Variants in CABP5 observed in about 807,000 individuals in gnomAD.
The protein encoded by CABP5 is calcium binding protein 5, also known as calcium-binding protein 5.
In CABP5, 17 loss-of-function variants were observed where a neutral mutation model predicts 21.9. That is an observed-to-expected ratio of 0.78 (90% CI 0.53 to 1.17). The LOEUF is 1.17. CABP5 is among the 50% of genes most tolerant of loss of function. CABP5 has a pLI of 0.00. For missense variants in CABP5, 229 were observed against 228.9 expected, an observed-to-expected ratio of 1.00 and a Z score of 0.00; for synonymous variants, 85 against 79.4, an observed-to-expected ratio of 1.07 and a Z score of -0.37.
chr19:48,039,044 T>C (rs1967446435), intron 4 of CABP5, among the ~76,000 whole-genome samples, 164 bp downstream of exon 4: 2 of 152,076 alleles, frequency 1.3e-5, no homozygotes, highest in South Asian at 4.1e-4. Flanking sequence ...TTGCAGGTGT[T>C]TGGAATACGT....
At position 48,034,314 on chromosome 19, in the gene CABP5, C is replaced by T; in HGVS notation, c.397G>A (p.Ala133Thr). ...CGCTCCCCCAGGAGTCTCTGCATGG[C>T]CTGCTGTAGCTCCACCAGGGTGATC... ...GEITLVELQQ[A>T]MQRLLGERLT... Residue 133 changes from alanine to threonine, a missense_variant, in exon 5 of 6, where the codon GCC becomes ACC. Physicochemically the swap from Ala to Thr is moderately conservative, Grantham distance 58. Transcript: ENST00000293255. 1 of 1,607,798 alleles carries T rather than the reference C, an allele frequency of 6.2e-7. No individual in the cohort carries two copies. The highest frequency in any genetic ancestry group is 8.5e-7 in the Non-Finnish European group (1 of 1,177,582).
Position 48,029,831 on chromosome 19 carries a change from A to AGAGAGAGAGAGAGAGAGAGG in CABP5, c.*725_*726insCCTCTCTCTCTCTCTCTCTC, listed in dbSNP as rs1340907930. 15 of 151,558 alleles carry AGAGAGAGAGAGAGAGAGAGG rather than the reference A, an allele frequency of 9.9e-5. 1 individual carries two copies. Among genetic ancestry groups the AGAGAGAGAGAGAGAGAGAGG allele is most frequent in the South Asian group, 2.1e-4 (1 of 4,786 alleles). The allele number at this position is 151,558 out of a possible 1,614,324, so 9.4% of individuals were successfully genotyped here. On this transcript the variant is annotated 3_prime_UTR_variant, in exon 6 of 6. Coordinates refer to ENST00000293255, the MANE Select transcript of CABP5 (RefSeq NM_019855.5). ...GAGAGAGAGAGAGAGAGAGAGAGAG[A>AGAGAGAGAGAGAGAGAGAGG]GAGAGAAACCAGACAGTGCTTCCAG...
At chr19:48,042,492 C>CT (rs1269844683) in intron 1 of CABP5, among the ~76,000 whole-genome samples, 1 of 152,120 alleles carries the variant, frequency 6.6e-6, no homozygotes, top group African/African-American at 2.4e-5. Flanking sequence ...TCCCATCTCC[C>CT]TTTATCCCTG....
At chr19:48,042,922 C>T (rs966404150) in intron 1 of CABP5, among the ~76,000 whole-genome samples, 17 of 152,068 alleles carry the variant, frequency 1.1e-4, no homozygotes, top group African/African-American at 4.1e-4. Context: ...GAAAAGTATG[C>T]CCACATATCT....
chr19:48,037,259 C>CTTT (rs57230665), intron 4 of CABP5, among the ~76,000 whole-genome samples: 745 of 44,940 alleles, frequency 0.017, 157 homozygotes, highest in South Asian at 0.048. Context: ...TACTATTCAG[C>CTTT]TTTTTTTTTT....
chr19:48,043,926 G>A lies in CABP5; in HGVS notation c.-4C>T. ...CGGGGCCCATGGGGAACTGCATGGAGGGGTGGGGTGGAGCTCGCAGGGCAC... is the reference window on the plus strand; with the variant it reads ...CGGGGCCCATGGGGAACTGCATGGAAGGGTGGGGTGGAGCTCGCAGGGCAC... On this transcript the variant is annotated 5_prime_UTR_variant, in exon 1 of 6. Transcript: ENST00000293255. The A allele has an allele frequency of 6.6e-7, 1 of 1,508,228 alleles. No homozygotes were observed. The highest frequency in any genetic ancestry group is 8.8e-7 in the Non-Finnish European group (1 of 1,134,768). 93.4% of individuals were successfully genotyped at this position (1,508,228 alleles called of 1,614,324 possible). A position where few individuals can be genotyped will look rare whatever the true frequency, so the allele number is the denominator to read the frequency against.
intron 1 of CABP5, among the ~76,000 whole-genome samples, chr19:48,043,399 CACTG>C: frequency 1.3e-5 from 2 of 150,224 alleles, no homozygotes; most frequent in Non-Finnish European, 3.0e-5. Flanking sequence ...GAATGAAAGT[CACTG>C]ACCTCATGAG....
intron 4 of CABP5, among the ~76,000 whole-genome samples, chr19:48,037,175 A>C (rs1967418741): frequency 6.6e-6 from 1 of 150,824 alleles, no homozygotes; most frequent in Non-Finnish European, 1.5e-5. Flanking sequence ...ACAATAGCCA[A>C]GGTATGGAAG....
At chr19:48,037,722 C>T (rs1362165513) in intron 4 of CABP5, among the ~76,000 whole-genome samples, 1 of 152,102 alleles carries the variant, frequency 6.6e-6, no homozygotes, top group African/African-American at 2.4e-5. Flanking sequence ...ATGTAAGTAG[C>T]ATTCTTTTTA....
intron 5 of CABP5, among the ~76,000 whole-genome samples, chr19:48,030,972 A>G (rs1222287322): frequency 6.6e-6 from 1 of 152,078 alleles, no homozygotes; most frequent in Non-Finnish European, 1.5e-5. Flanking sequence ...CTACAAAAAA[A>G]TTAAAAAATT....
intron 5 of CABP5, 64 bp downstream of exon 5, chr19:48,034,151 G>C: frequency 7.0e-7 from 1 of 1,428,766 alleles, no homozygotes; most frequent in Non-Finnish European, 9.3e-7. Context: ...AAATCTGACA[G>C]TGAGTTGGAA....
At chr19:48,041,048 A>C (rs1165265462) in intron 2 of CABP5, among the ~76,000 whole-genome samples, 2 of 151,958 alleles carry the variant, frequency 1.3e-5, no homozygotes, top group African/African-American at 4.8e-5. Context: ...ATGGTGGCTC[A>C]TGCCTTTGAT....
In CABP5 at chr19:48,043,869, C is replaced by A; in HGVS notation, c.54G>T (p.Glu18Asp). ...ACIFLRKGIA[E>D]KQRERPLGQD... ...TCACTCCCCACCTCACCCGCTGTTTCTCAGCAATGCCTTTCCTCAAGAAGA... is the reference window on the plus strand; with the variant it reads ...TCACTCCCCACCTCACCCGCTGTTTATCAGCAATGCCTTTCCTCAAGAAGA... The change falls in exon 1 of 6, where the codon GAG becomes GAT. Residue 18 changes from glutamate (E) to aspartate (D), a missense_variant. Physicochemically the swap from Glu to Asp is conservative, Grantham distance 45. Transcript: ENST00000293255. The A allele has an allele frequency of 6.7e-7, 1 of 1,494,044 alleles. No individual in the cohort carries two copies. The highest frequency in any genetic ancestry group is 8.9e-7 in the Non-Finnish European group (1 of 1,125,624). 92.5% of individuals were successfully genotyped at this position (1,494,044 alleles called of 1,614,324 possible).
In CABP5 at chr19:48,039,191, T is replaced by G; in HGVS notation, c.348+17A>C. The G allele has an allele frequency of 6.3e-7, 1 of 1,592,556 alleles. No homozygotes were observed. The highest frequency in any genetic ancestry group is 8.6e-7 in the Non-Finnish European group (1 of 1,160,306). On this transcript the variant is annotated intron_variant, in intron 4 of 5. Transcript: ENST00000293255. ...TCTGCCTCTACCATCACCAGCACCA[T>G]GACACTGTTAACTCACCTCCTTGAA...
intron 5 of CABP5, 88 bp downstream of exon 5, chr19:48,034,127 G>T: frequency 7.4e-7 from 1 of 1,349,222 alleles, no homozygotes; most frequent in South Asian, 1.6e-5. Context: ...GTGAGAAGGA[G>T]TGGCCAACTT....
At chr19:48,031,691 C>T (rs940364475) in intron 5 of CABP5, among the ~76,000 whole-genome samples, 4 of 152,106 alleles carry the variant, frequency 2.6e-5, no homozygotes, top group Non-Finnish European at 5.9e-5. Context: ...GAATGGTGAA[C>T]CCTGGAAGGA....
rs1379652731 is a variant in CABP5 at position 48,032,416 on chromosome 19, G to A, written c.496+1799C>T. ...GTGGGGCGATCTCACTGCAACCTCC[G>A]CCTCCCAAGTTCAAGCAATTCTCCT... On this transcript the variant is annotated intron_variant, in intron 5 of 5. Transcript: ENST00000293255. Among the ~76,000 whole-genome samples, 15 of 145,492 alleles carry A rather than the reference G, an allele frequency of 1.0e-4. 1 individual carries two copies. Among genetic ancestry groups the A allele is most frequent in the East Asian group, 6.2e-4 (3 of 4,832 alleles).
At chr19:48,032,921 G>A (rs1012641132) in intron 5 of CABP5, among the ~76,000 whole-genome samples, 41 of 151,522 alleles carry the variant, frequency 2.7e-4, no homozygotes, top group Non-Finnish European at 5.4e-4. Flanking sequence ...ATGAGCCACT[G>A]AGCCCGGCCA....
chr19:48,030,695 C>A, intron 5 of CABP5, 113 bp from the exon 6 acceptor site: 1 of 947,968 alleles, frequency 1.1e-6, no homozygotes, highest in Non-Finnish European at 1.7e-6. Flanking sequence ...TGGGAAATTA[C>A]TTAATCCCTC....
Sources: allele counts gnomAD v4.1 joint callset (sites outside exome capture counted in the v4.1 genomes callset), GRCh38; gene constraint gnomAD v4.1.1; transcripts MANE v1.5; gene names NCBI Gene and HGNC (gene_info 2026-07-23, HGNC 2026-07-21).